Variants in PALLD observed in about 807,000 individuals in gnomAD.
The protein encoded by PALLD is palladin, cytoskeletal associated protein, also known as palladin.
Under a neutral mutation model 123.5 loss-of-function variants are expected in PALLD, and 61 were observed. That is an observed-to-expected ratio of 0.49 (90% CI 0.40 to 0.61). The LOEUF is 0.61. Among genes scored for constraint, PALLD ranks in the 20% least tolerant of loss-of-function variants. The pLI, the probability that PALLD is intolerant of heterozygous loss-of-function variation, is 0.00. For synonymous variants in PALLD, 465 were observed against 496.4 expected, an observed-to-expected ratio of 0.94 and a Z score of 0.84; for missense variants, 1,273 against 1,377.0, an observed-to-expected ratio of 0.92 and a Z score of 1.20.
chr4:168,783,291 A>G (rs575982598), intron 10 of PALLD, among the ~76,000 whole-genome samples: 11 of 152,276 alleles, frequency 7.2e-5, no homozygotes, highest in African/African-American at 2.6e-4. Flanking sequence ...GCAGCCTCTG[A>G]TCTCCAGGAG....
intron 10 of PALLD, among the ~76,000 whole-genome samples, chr4:168,759,013 A>G (rs557753825): frequency 8.6e-5 from 13 of 151,002 alleles, no homozygotes; most frequent in South Asian, 2.1e-4. Flanking sequence ...CGTCTCTACT[A>G]AAAATACAAA....
At chr4:168,627,159 A>G (rs1775378944) in intron 2 of PALLD, among the ~76,000 whole-genome samples, 1 of 152,212 alleles carries the variant, frequency 6.6e-6, no homozygotes, top group African/African-American at 2.4e-5. Context: ...CAACTGGATC[A>G]TTAATAATAA....
At chr4:168,572,227 G>A (rs1464441812) in intron 2 of PALLD, among the ~76,000 whole-genome samples, 4 of 152,020 alleles carry the variant, frequency 2.6e-5, no homozygotes, top group Non-Finnish European at 5.9e-5. Context: ...CATTATAGCC[G>A]TCAGTTTGTG....
chr4:168,662,648 C>T (rs1779236612), intron 2 of PALLD, among the ~76,000 whole-genome samples: 1 of 152,110 alleles, frequency 6.6e-6, no homozygotes, highest in South Asian at 2.1e-4. Flanking sequence ...TAAATGATAC[C>T]AGCAACAAGA....
chr4:168,725,429 C>T (rs1786452724), intron 10 of PALLD, among the ~76,000 whole-genome samples: 3 of 150,336 alleles, frequency 2.0e-5, no homozygotes, highest in Admixed American at 6.6e-5. Flanking sequence ...TCATTATGCT[C>T]AATGTTTGAA....
At chr4:168,647,348 A>G (rs867767840) in intron 2 of PALLD, among the ~76,000 whole-genome samples, 6 of 152,214 alleles carry the variant, frequency 3.9e-5, no homozygotes, top group Non-Finnish European at 5.9e-5. Context: ...ACTTACTACA[A>G]TGGACTGTGT....
chr4:168,900,437 T>C, intron 14 of PALLD, among the ~76,000 whole-genome samples: 1 of 151,976 alleles, frequency 6.6e-6, no homozygotes, highest in Admixed American at 6.6e-5. Context: ...AACAAGATAG[T>C]ACCAAAAAAT....
intron 2 of PALLD, among the ~76,000 whole-genome samples, chr4:168,606,490 C>T (rs1240718346): frequency 5.3e-5 from 8 of 151,790 alleles, no homozygotes; most frequent in Non-Finnish European, 7.4e-5. Flanking sequence ...CTGGCTAACA[C>T]GGTGAAACCC....
chr4:168,498,188 G>A (rs1284769689), intron 1 of PALLD, among the ~76,000 whole-genome samples: 1 of 151,962 alleles, frequency 6.6e-6, no homozygotes, highest in Non-Finnish European at 1.5e-5. Flanking sequence ...CAGCAGAAAA[G>A]GCCGATGAGG....
chr4:168,664,975 C>T (rs1295891251), intron 2 of PALLD, among the ~76,000 whole-genome samples: 2 of 152,116 alleles, frequency 1.3e-5, no homozygotes, highest in Non-Finnish European at 2.9e-5. Context: ...AGTTCAGGTT[C>T]CTCATCTGTA....
In PALLD at chr4:168,668,318, C is replaced by T; in HGVS notation, c.1037C>T (p.Ala346Val). Residue 346 changes from alanine (A) to valine (V), a missense_variant, in exon 3 of 22, where the codon GCT (alanine) becomes GTT (valine). Physicochemically the swap from Ala to Val is moderately conservative, Grantham distance 64. Coordinates refer to ENST00000505667, the MANE Select transcript of PALLD (RefSeq NM_001166108.2). ...GACACAGGTCGCTACACCTGTTTGG[C>T]TACGAATCCCAGCGGCTCAGACACA... is the stretch of plus-strand genomic sequence containing the variant. ...EDDTGRYTCL[A>V]TNPSGSDTTS... 2.5e-6 allele frequency: 4 copies of T among 1,612,762 alleles called. No individual in the cohort carries two copies. The highest frequency in any genetic ancestry group is 3.4e-6 in the Non-Finnish European group (4 of 1,179,044).
chr4:168,570,853 T>C (rs1768907005), intron 2 of PALLD, among the ~76,000 whole-genome samples: 1 of 152,180 alleles, frequency 6.6e-6, no homozygotes, highest in East Asian at 1.9e-4. Flanking sequence ...TATTGATCAG[T>C]TCTTATCCTC....
chr4:168,924,353 G>A lies in PALLD; in HGVS notation c.3157G>A (p.Val1053Met), dbSNP rs115621618. Residue 1053 changes from valine to methionine, a missense_variant, in exon 19 of 22, where the codon GTG (valine) becomes ATG (methionine). This residue lies in a region of PALLD where 329 missense variants were observed against 422.5 expected (regional missense o/e 0.78). Transcript: ENST00000505667. ...PVRLECRVLG[V>M]PPPQIFWKKE... ...GCGGCTGGAATGTCGTGTATTGGGAGTGCCACCACCTCAGATATTTTGGAA... is the reference window on the plus strand; with the variant it reads ...GCGGCTGGAATGTCGTGTATTGGGAATGCCACCACCTCAGATATTTTGGAA... 1 of 1,613,926 alleles carries A rather than the reference G, an allele frequency of 6.2e-7. No homozygotes were observed. Among genetic ancestry groups the A allele is most frequent in the South Asian group, 1.1e-5 (1 of 91,076 alleles).
intron 2 of PALLD, among the ~76,000 whole-genome samples, chr4:168,624,909 A>C (rs1775092303): frequency 6.6e-6 from 1 of 152,150 alleles, no homozygotes; most frequent in South Asian, 2.1e-4. Context: ...ACACAAAATA[A>C]GATTTGAACA....
chr4:168,880,767 T>C (rs1158076607), intron 10 of PALLD, among the ~76,000 whole-genome samples: 3 of 152,264 alleles, frequency 2.0e-5, no homozygotes, highest in Admixed American at 6.5e-5. Context: ...TTTAGCTGGA[T>C]AGTTTTGCCA....
intron 13 of PALLD, 37 bp from the exon 14 acceptor site, chr4:168,898,456 G>T: frequency 7.6e-7 from 1 of 1,311,744 alleles, no homozygotes. Flanking sequence ...TTGTCAGAAG[G>T]GATTGAGTCT....
chr4:168,518,567 C>T (rs913142732), intron 2 of PALLD, among the ~76,000 whole-genome samples: 2 of 152,170 alleles, frequency 1.3e-5, no homozygotes, highest in Non-Finnish European at 2.9e-5. Context: ...GTACTTTCTG[C>T]TCCCTCTGTT....
At chr4:168,681,426 G>A (rs1205617769) in intron 4 of PALLD, 28 bp downstream of exon 4, 8 of 1,442,206 alleles carry the variant, frequency 5.5e-6, no homozygotes, top group African/African-American at 1.4e-5. Flanking sequence ...CATCGATTAT[G>A]TGGAAACAAA....
intron 1 of PALLD, among the ~76,000 whole-genome samples, chr4:168,502,440 C>T (rs1011563679): frequency 6.6e-6 from 1 of 151,982 alleles, no homozygotes; most frequent in Non-Finnish European, 1.5e-5. Context: ...TTTGCTTTAG[C>T]GAAATGAGCA....
Sources: allele counts gnomAD v4.1 joint callset (sites outside exome capture counted in the v4.1 genomes callset), GRCh38; gene constraint gnomAD v4.1.1; regional missense constraint gnomAD v4.1.1; transcripts MANE v1.5; gene names NCBI Gene and HGNC (gene_info 2026-07-23, HGNC 2026-07-21).